Variants in CA1 observed in about 807,000 individuals in gnomAD.
The protein encoded by CA1 is carbonic anhydrase 1.
Under a neutral mutation model 28.8 loss-of-function variants are expected in CA1, and 27 were observed. That is an observed-to-expected ratio of 0.94 (90% CI 0.69 to 1.29). The LOEUF (loss-of-function observed/expected upper bound fraction) is 1.29. Among genes scored for constraint, CA1 ranks in the 50% most tolerant of loss-of-function variants. The probability of loss-of-function intolerance (pLI) is 0.00; values close to 1 mark genes in which losing one functional copy is unlikely to be tolerated. For missense variants in CA1, 335 were observed against 310.5 expected (o/e 1.08, Z -0.59); for synonymous variants, 121 against 108.8 (o/e 1.11, Z -0.70).
chr8:85,347,997 G>T (rs1809267508), intron 1 of CA1, among the ~76,000 whole-genome samples: 1 of 152,038 alleles, frequency 6.6e-6, no homozygotes. Context: ...TGCAAGACCT[G>T]GGAATCTATG....
Position 85,336,975 on chromosome 8 carries a change from A to G in CA1, c.324T>C (p.His108=), listed in dbSNP as rs1483390479. The change falls in exon 4 of 8, where the codon CAT becomes CAC. Residue 108 remains histidine (H), a synonymous_variant. Transcript: ENST00000523022. ...WGSTNEHGSE[H]TVDGVKYSAE... is the part of the protein sequence containing the mutation. ...CAGAATATTTGACTCCATCCACTGT[A>G]TGTTCTGAACCATGCTCATTTGTAC... 7 of 1,610,262 alleles carry G rather than the reference A, an allele frequency of 4.3e-6. No homozygotes were observed. Among genetic ancestry groups the G allele is most frequent in the African/African-American group, 1.3e-5 (1 of 74,834 alleles).
intron 1 of CA1, among the ~76,000 whole-genome samples, chr8:85,354,869 G>C (rs1809546938): frequency 6.6e-6 from 1 of 152,202 alleles, no homozygotes; most frequent in South Asian, 2.1e-4. Flanking sequence ...AGGTTAGCTT[G>C]AATGTCCAAC....
chr8:85,344,594 A>C (rs1809103257), intron 1 of CA1, among the ~76,000 whole-genome samples: 1 of 151,592 alleles, frequency 6.6e-6, no homozygotes, highest in Non-Finnish European at 1.5e-5. Context: ...TTTTATTTTA[A>C]TATTTTAAAA....
chr8:85,373,620 A>T (rs1810310231), intron 1 of CA1, among the ~76,000 whole-genome samples: 1 of 152,132 alleles, frequency 6.6e-6, no homozygotes, highest in Non-Finnish European at 1.5e-5. Flanking sequence ...AAACTTTATC[A>T]TAGATGTGTT....
chr8:85,353,433 T>C (rs1809484108), intron 1 of CA1, among the ~76,000 whole-genome samples: 1 of 152,220 alleles, frequency 6.6e-6, no homozygotes, highest in Non-Finnish European at 1.5e-5. Context: ...ATTTCATATA[T>C]TTAAAGAGAT....
At chr8:85,344,435 T>C (rs1008781747) in intron 1 of CA1, among the ~76,000 whole-genome samples, 1 of 149,202 alleles carries the variant, frequency 6.7e-6, no homozygotes, top group Non-Finnish European at 1.5e-5. Context: ...TACTAAATAT[T>C]TTTTAGTACC....
At chr8:85,329,462 A>G (rs1357003796) in intron 7 of CA1, among the ~76,000 whole-genome samples, 1 of 152,148 alleles carries the variant, frequency 6.6e-6, no homozygotes, top group Non-Finnish European at 1.5e-5. Flanking sequence ...TTAAGGAGGA[A>G]AGAGTGGCGG....
intron 1 of CA1, among the ~76,000 whole-genome samples, chr8:85,366,930 T>C (rs766270137): frequency 6.6e-6 from 1 of 152,186 alleles, no homozygotes; most frequent in African/African-American, 2.4e-5. Context: ...CTCTAAAAGA[T>C]GACAGATTGT....
chr8:85,353,554 A>G (rs112479437), intron 1 of CA1, among the ~76,000 whole-genome samples: 1 of 152,328 alleles, frequency 6.6e-6, no homozygotes, highest in Non-Finnish European at 1.5e-5. Context: ...TTTCCCCTTA[A>G]TACATTAGAA....
chr8:85,354,942 A>T (rs191440741), intron 1 of CA1, among the ~76,000 whole-genome samples: 1 of 152,082 alleles, frequency 6.6e-6, no homozygotes, highest in Admixed American at 6.5e-5. Flanking sequence ...AGCTTTCTGG[A>T]CCTTAGCCCC....
chr8:85,368,082 A>G (rs1213213418), intron 1 of CA1, among the ~76,000 whole-genome samples: 1 of 151,994 alleles, frequency 6.6e-6, no homozygotes, highest in Non-Finnish European at 1.5e-5. Flanking sequence ...TAAAAACAAA[A>G]TATTGAAAGA....
At chr8:85,372,950 C>G (rs1278999283) in intron 1 of CA1, among the ~76,000 whole-genome samples, 1 of 152,134 alleles carries the variant, frequency 6.6e-6, no homozygotes, top group Non-Finnish European at 1.5e-5. Context: ...CCCCAAAGCC[C>G]AAGACTTGTG....
At chr8:85,351,805 T>G (rs1809422842) in intron 1 of CA1, 1 of 152,248 alleles carries the variant, frequency 6.6e-6, no homozygotes, top group South Asian at 2.1e-4. Context: ...GCACAGGATT[T>G]ATTCTTTGTT....
intron 2 of CA1, chr8:85,340,900 G>A (rs1400471597): frequency 1.3e-5 from 2 of 152,406 alleles, no homozygotes; most frequent in African/African-American, 2.4e-5. Flanking sequence ...ATCCCAGCAC[G>A]TTGGGAGGCC....
chr8:85,359,590 T>G (rs1272090544), intron 1 of CA1, among the ~76,000 whole-genome samples: 1 of 152,176 alleles, frequency 6.6e-6, no homozygotes, highest in African/African-American at 2.4e-5. Flanking sequence ...GAACCTCGAA[T>G]GAAAAGGAAG....
intron 1 of CA1, among the ~76,000 whole-genome samples, chr8:85,344,275 TTATATATTA>T (rs1564029691): frequency 4.6e-5 from 3 of 65,098 alleles, no homozygotes; most frequent in Non-Finnish European, 1.0e-4. Flanking sequence ...TAATATATAA[TTATATATTA>T]TATACAGTAT....
chr8:85,355,549 CTTTTT>C (rs11353842), intron 1 of CA1, among the ~76,000 whole-genome samples: 15 of 108,702 alleles, frequency 1.4e-4, no homozygotes, highest in Admixed American at 9.5e-4. Flanking sequence ...TGTCTAGTTC[CTTTTT>C]TTTTTTTTTT....
chr8:85,344,886 A>T (rs1189236991), intron 1 of CA1, among the ~76,000 whole-genome samples: 1 of 152,308 alleles, frequency 6.6e-6, no homozygotes, highest in Admixed American at 6.5e-5. Flanking sequence ...GAGGAAATAT[A>T]TATTGTGAAA....
At chr8:85,362,546 G>A (rs570309865) in intron 1 of CA1, among the ~76,000 whole-genome samples, 96 of 152,110 alleles carry the variant, frequency 6.3e-4, no homozygotes, top group Non-Finnish European at 1.2e-3. Flanking sequence ...AATTGAATTG[G>A]CATATTTTGA....
Sources: allele counts gnomAD v4.1 joint callset (sites outside exome capture counted in the v4.1 genomes callset), GRCh38; gene constraint gnomAD v4.1.1; transcripts MANE v1.5; gene names NCBI Gene and HGNC (gene_info 2026-07-23, HGNC 2026-07-21).